The following ZDHHC15 variants were observed in gnomAD, a reference collection of about 807,000 sequenced individuals.
ZDHHC15 encodes zDHHC palmitoyltransferase 15, also known as palmitoyltransferase ZDHHC15.
ZDHHC15 carries 19 observed loss-of-function variants against 31.7 expected under a neutral mutation model. The ratio of observed to expected loss-of-function variants is 0.60; its 90% CI spans 0.42 to 0.88. The LOEUF is 0.88. ZDHHC15 is among the 40% of genes least tolerant of loss of function. ZDHHC15 has a pLI of 0.00. For missense variants in ZDHHC15, 209 were observed against 251.2 expected (o/e 0.83, Z 1.14); for synonymous variants, 103 against 90.0 (o/e 1.14, Z -0.82).
rs755180589 is a variant in ZDHHC15, at chrX:75,474,918, G to T, written c.258+3973C>A. 1.0e-4 allele frequency among the ~76,000 whole-genome samples: 11 copies of T among 109,560 alleles called. No individual in the cohort carries two copies. In the East Asian group the frequency reaches 2.6e-3, roughly 26 times the overall value. ...TAAAAAAAATACAAAAAATTAGCCA[G>T]GCGTGGTGGCGGGTGCCTGTGGTCC... On this transcript the variant is annotated intron_variant, in intron 3 of 11. Coordinates refer to ENST00000373367, the MANE Select transcript of ZDHHC15 (RefSeq NM_144969.3).
intron 2 of ZDHHC15, 151 bp from the exon 3 acceptor site, chrX:75,479,136 C>T: frequency 2.6e-6 from 1 of 386,275 alleles, no homozygotes; most frequent in Non-Finnish European, 4.2e-6. Context: ...TTTTCCCATA[C>T]AGTGACAGAA....
At chrX:75,436,289 G>C (rs1230526837) in intron 4 of ZDHHC15, among the ~76,000 whole-genome samples, 1 of 111,323 alleles carries the variant, frequency 9.0e-6, no homozygotes, top group African/African-American at 3.3e-5. Context: ...CAAGCTTTTC[G>C]TTTCATTTAT....
chrX:75,445,727 G>T (rs1033416316), intron 4 of ZDHHC15, among the ~76,000 whole-genome samples: 4 of 111,871 alleles, frequency 3.6e-5, no homozygotes, highest in African/African-American at 1.3e-4. Flanking sequence ...GCACTGATTT[G>T]TAAAGAATTG....
intron 3 of ZDHHC15, among the ~76,000 whole-genome samples, chrX:75,456,271 C>A (rs2084219413): frequency 9.3e-6 from 1 of 107,855 alleles, no homozygotes; most frequent in African/African-American, 3.4e-5. Flanking sequence ...CCAAACACCA[C>A]ATGTTCTCAC....
intron 2 of ZDHHC15, among the ~76,000 whole-genome samples, chrX:75,481,439 C>T (rs750639440): frequency 5.4e-5 from 6 of 111,679 alleles, no homozygotes; most frequent in South Asian, 3.8e-4. Flanking sequence ...GGTACTACTA[C>T]GCATCAACTG....
chrX:75,440,692 A>G (rs1443596811), intron 4 of ZDHHC15, among the ~76,000 whole-genome samples: 2 of 111,870 alleles, frequency 1.8e-5, no homozygotes, highest in African/African-American at 6.5e-5. Context: ...ATCTTTCCCT[A>G]GGGTCACCTG....
chrX:75,471,080 C>T (rs2084496600), intron 3 of ZDHHC15, among the ~76,000 whole-genome samples: 1 of 112,196 alleles, frequency 8.9e-6, no homozygotes, highest in South Asian at 3.7e-4. Flanking sequence ...ATTGCAGCTG[C>T]TATAACAGAT....
At chrX:75,437,933 A>G (rs1294645696) in intron 4 of ZDHHC15, among the ~76,000 whole-genome samples, 1 of 110,972 alleles carries the variant, frequency 9.0e-6, no homozygotes, top group East Asian at 2.8e-4. Flanking sequence ...AATTTACAAG[A>G]AAAAAACAAA....
intron 3 of ZDHHC15, among the ~76,000 whole-genome samples, chrX:75,462,849 C>G (rs922260833): frequency 9.0e-6 from 1 of 111,001 alleles, no homozygotes; most frequent in Admixed American, 9.6e-5. Context: ...CCTAATATCA[C>G]AACTAAAAGA....
At chrX:75,447,416 C>T (rs1165121843) in intron 4 of ZDHHC15, among the ~76,000 whole-genome samples, 2 of 112,353 alleles carry the variant, frequency 1.8e-5, no homozygotes, top group African/African-American at 3.2e-5. Context: ...AAGGAACTTC[C>T]TTCACAGCAA....
Position 75,372,817 on chromosome X carries a change from C to T in ZDHHC15, c.*161G>A, listed in dbSNP as rs1156723724. ...AACATAAAGTCCAGAAACATTTACA[C>T]AGCAAGTATTTGATGGAATTCTTTC... is the stretch of plus-strand genomic sequence containing the variant. On this transcript the variant is annotated 3_prime_UTR_variant, in exon 12 of 12. Coordinates refer to ENST00000373367, the MANE Select transcript of ZDHHC15 (RefSeq NM_144969.3). 1 of 112,148 alleles carries T rather than the reference C, an allele frequency of 8.9e-6. No homozygotes were observed. The highest frequency in any genetic ancestry group is 1.9e-5 in the Non-Finnish European group (1 of 53,177). The allele number at this position is 112,148 out of a possible 1,213,427, so 9.2% of individuals were successfully genotyped here. A position where few individuals can be genotyped will look rare whatever the true frequency, so the allele number is the denominator to read the frequency against.
chrX:75,465,730 G>A (rs180875919), intron 3 of ZDHHC15, among the ~76,000 whole-genome samples: 18 of 111,561 alleles, frequency 1.6e-4, no homozygotes, highest in African/African-American at 5.8e-4. Context: ...GATGCTGGGA[G>A]TGCTGCCTAG....
intron 4 of ZDHHC15, among the ~76,000 whole-genome samples, chrX:75,437,165 G>C (rs1042415301): frequency 1.8e-5 from 2 of 111,430 alleles, no homozygotes; most frequent in Admixed American, 1.9e-4. Flanking sequence ...ACAGGCCTGA[G>C]CCACCGCGCC....
At chrX:75,385,882 A>G (rs1261627324) in intron 10 of ZDHHC15, among the ~76,000 whole-genome samples, 1 of 111,746 alleles carries the variant, frequency 8.9e-6, no homozygotes, top group Non-Finnish European at 1.9e-5. Flanking sequence ...CAAATAATGT[A>G]TCCTGTATTG....
rs746903076 is a variant in ZDHHC15, at chrX:75,450,812, A to G, written c.369T>C (p.Thr123=). The G allele has an allele frequency of 1.7e-6, 2 of 1,210,956 alleles. No individual in the cohort carries two copies. Among genetic ancestry groups the G allele is most frequent in the Admixed American group, 2.2e-5 (1 of 45,917 alleles). Residue 123 remains threonine, a synonymous_variant, in exon 4 of 12, where the codon ACT becomes ACC. Coordinates refer to ENST00000373367, the MANE Select transcript of ZDHHC15 (RefSeq NM_144969.3). ...TTTGGATGAACTGACCTCCACTTCC[A>G]GTTCTTGTGTAAACCGGTAGCTTTT... ...MAKKLPVYTR[T]GSGAVRFCDR...
chrX:75,473,806 T>C (rs924033517), intron 3 of ZDHHC15, among the ~76,000 whole-genome samples: 3 of 112,054 alleles, frequency 2.7e-5, no homozygotes, highest in Non-Finnish European at 3.8e-5. Flanking sequence ...ACACTCGTAC[T>C]AAGAAAATAT....
chrX:75,445,481 G>A (rs901012945), intron 4 of ZDHHC15, among the ~76,000 whole-genome samples: 1 of 112,020 alleles, frequency 8.9e-6, no homozygotes, highest in African/African-American at 3.2e-5. Context: ...AGGTTGGCTT[G>A]TAGCTTCTAA....
At chrX:75,474,583 C>T (rs1569349301) in intron 3 of ZDHHC15, among the ~76,000 whole-genome samples, 12 of 8,603 alleles carry the variant, frequency 1.4e-3, no homozygotes, top group Middle Eastern at 0.12. Flanking sequence ...TACACACACA[C>T]ACACACACAC....
intron 3 of ZDHHC15, among the ~76,000 whole-genome samples, chrX:75,475,242 A>C (rs1217228650): frequency 9.0e-6 from 1 of 111,725 alleles, no homozygotes; most frequent in Non-Finnish European, 1.9e-5. Context: ...ATTATGATGT[A>C]GTCCAATTTA....
Sources: allele counts gnomAD v4.1 joint callset (sites outside exome capture counted in the v4.1 genomes callset), GRCh38; gene constraint gnomAD v4.1.1; transcripts MANE v1.5; gene names NCBI Gene and HGNC (gene_info 2026-07-23, HGNC 2026-07-21).